The following ABTB3 variants were observed in gnomAD, a reference collection of about 807,000 sequenced individuals.
The protein encoded by ABTB3 is ankyrin repeat- and BTB/POZ domain-containing protein 3.
chr12:107,443,296 A>G, the ABTB3 span, among the ~76,000 whole-genome samples: 1 of 151,854 alleles, frequency 6.6e-6, no homozygotes, highest in Non-Finnish European at 1.5e-5. Context: ...GGCCAGGACC[A>G]GTTGCTCACG....
chr12:107,508,438 C>CTTTTTTTTTTTTTTTTTTTTTTTTTT, the ABTB3 span, among the ~76,000 whole-genome samples: 27 of 69,164 alleles, frequency 3.9e-4, 6 homozygotes, highest in East Asian at 1.6e-3. Flanking sequence ...AAGATCATTT[C>CTTTTTTTTTTTTTTTTTTTTTTTTTT]TTTTTTTTTT....
chr12:107,413,012 C>T, the ABTB3 span, among the ~76,000 whole-genome samples: 11 of 152,110 alleles, frequency 7.2e-5, no homozygotes, highest in Non-Finnish European at 1.6e-4. Flanking sequence ...CGGTGGCTCA[C>T]GCCTGTAATC....
At chr12:107,409,538 AG>A in the ABTB3 span, among the ~76,000 whole-genome samples, 1 of 152,262 alleles carries the variant, frequency 6.6e-6, no homozygotes, top group Non-Finnish European at 1.5e-5. Context: ...AAAAGGAATG[AG>A]ATCATGTCCT....
the ABTB3 span, among the ~76,000 whole-genome samples, chr12:107,595,938 T>C: frequency 6.6e-6 from 1 of 152,024 alleles, no homozygotes; most frequent in African/African-American, 2.4e-5. Context: ...TAAGCATATG[T>C]GTATATATAC....
the ABTB3 span, among the ~76,000 whole-genome samples, chr12:107,507,004 A>T: frequency 6.6e-6 from 1 of 152,300 alleles, no homozygotes; most frequent in South Asian, 2.1e-4. Context: ...GGCATGGATA[A>T]TTTTGTGATT....
the ABTB3 span, among the ~76,000 whole-genome samples, chr12:107,458,673 C>T: frequency 2.6e-5 from 4 of 152,084 alleles, no homozygotes; most frequent in African/African-American, 9.7e-5. Flanking sequence ...GGACTTGAAC[C>T]CTAGAAGCCT....
chr12:107,578,383 C>CTTTTATTTT, the ABTB3 span, among the ~76,000 whole-genome samples: 1 of 57,196 alleles, frequency 1.7e-5, no homozygotes, highest in Non-Finnish European at 3.0e-5. Context: ...CTTTCTTCTT[C>CTTTTATTTT]TTTTTTTTTT....
chr12:107,532,221 G>A, the ABTB3 span, among the ~76,000 whole-genome samples: 2 of 152,164 alleles, frequency 1.3e-5, no homozygotes, highest in Non-Finnish European at 2.9e-5. Context: ...TGCCATGCAG[G>A]GGCCCCAGGA....
At chr12:107,334,068 AG>A in the ABTB3 span, among the ~76,000 whole-genome samples, 9 of 152,340 alleles carry the variant, frequency 5.9e-5, no homozygotes, top group South Asian at 4.1e-4. Context: ...AGCATGAGTG[AG>A]CCAAGAGTAA....
the ABTB3 span, among the ~76,000 whole-genome samples, chr12:107,329,898 C>G: frequency 6.6e-6 from 1 of 152,268 alleles, no homozygotes; most frequent in Admixed American, 6.5e-5. Flanking sequence ...AAGAATTATG[C>G]AGATGTAAAT....
chr12:107,582,685 C>T, the ABTB3 span, among the ~76,000 whole-genome samples: 5 of 152,186 alleles, frequency 3.3e-5, no homozygotes, highest in African/African-American at 1.2e-4. Context: ...GATTGGGAAC[C>T]ATTGGTGGAG....
chr12:107,464,410 A>C, the ABTB3 span, among the ~76,000 whole-genome samples: 1 of 152,258 alleles, frequency 6.6e-6, no homozygotes, highest in East Asian at 1.9e-4. Flanking sequence ...TCCTGGGCTC[A>C]AGTGATCCTC....
chr12:107,590,019 C>T, the ABTB3 span, among the ~76,000 whole-genome samples: 1 of 152,208 alleles, frequency 6.6e-6, no homozygotes, highest in African/African-American at 2.4e-5. Context: ...AAGCAATTCT[C>T]CTGCCTCAGC....
chr12:107,464,206 AGTGTGTGTGTGTGTGTGTGTGTGT>A, the ABTB3 span, among the ~76,000 whole-genome samples: 862 of 133,624 alleles, frequency 6.5e-3, 10 homozygotes, highest in African/African-American at 0.021. Flanking sequence ...ACATGTGAAG[AGTGTGTGTGTGTGTGTGTGTGTGT>A]GTGTGTGTGT....
the ABTB3 span, among the ~76,000 whole-genome samples, chr12:107,507,395 T>C: frequency 6.6e-6 from 1 of 152,256 alleles, no homozygotes; most frequent in African/African-American, 2.4e-5. Context: ...GGCGATGCAC[T>C]GGTCTGGGTT....
the ABTB3 span, among the ~76,000 whole-genome samples, chr12:107,560,139 C>G: frequency 6.6e-6 from 1 of 152,168 alleles, no homozygotes; most frequent in Non-Finnish European, 1.5e-5. Context: ...TTCTTAATGA[C>G]TGCAGAATAT....
chr12:107,331,328 C>G, the ABTB3 span, among the ~76,000 whole-genome samples: 3 of 152,208 alleles, frequency 2.0e-5, no homozygotes, highest in African/African-American at 7.2e-5. Context: ...AGCTTGCAGG[C>G]TTGAGGCGGG....
At chr12:107,324,061 A>T in the ABTB3 span, among the ~76,000 whole-genome samples, 2 of 152,212 alleles carry the variant, frequency 1.3e-5, no homozygotes, top group Non-Finnish European at 2.9e-5. Flanking sequence ...TGTAAAACAG[A>T]GGTAATAATT....
chr12:107,452,202 A>ATTTTT, the ABTB3 span, among the ~76,000 whole-genome samples: 21 of 110,188 alleles, frequency 1.9e-4, no homozygotes, highest in Non-Finnish European at 2.7e-4. Flanking sequence ...GCCCATATGA[A>ATTTTT]TTTTTTTTTT....
Sources: allele counts gnomAD v4.1 joint callset (sites outside exome capture counted in the v4.1 genomes callset), GRCh38; gene constraint gnomAD v4.1.1; transcripts MANE v1.5; gene names NCBI Gene and HGNC (gene_info 2026-07-23, HGNC 2026-07-21).